The following MAGI3 variants were observed in gnomAD, a reference collection of about 807,000 sequenced individuals.
The protein encoded by MAGI3 is membrane associated guanylate kinase, WW and PDZ domain containing 3, also known as membrane-associated guanylate kinase, WW and PDZ domain-containing protein 3.
MAGI3 carries 43 observed loss-of-function variants against 121.8 expected under a neutral mutation model. The observed-to-expected ratio is 0.35, with a 90% confidence interval of 0.28 to 0.46. The LOEUF is 0.46. Ranked by LOEUF, MAGI3 falls within the 20% of genes least tolerant of loss-of-function variation. The pLI, the probability that MAGI3 is intolerant of heterozygous loss-of-function variation, is 1.00. For synonymous variants in MAGI3, 553 were observed against 639.3 expected (o/e 0.86, Z 2.04); for missense variants, 1,547 against 1,797.3 (o/e 0.86, Z 2.52).
intron 1 of MAGI3, among the ~76,000 whole-genome samples, chr1:113,524,019 G>A (rs1658332676): frequency 6.6e-6 from 1 of 152,168 alleles, no homozygotes; most frequent in Admixed American, 6.5e-5. Context: ...ACTAAAAGGG[G>A]CCAAGGTACA....
rs563391880 is a variant in MAGI3 at position 113,436,685 on chromosome 1, AT to A, written c.316+45345del. Among the ~76,000 whole-genome samples, 18 of 150,576 alleles carry A rather than the reference AT, an allele frequency of 1.2e-4. 1 individual carries two copies. Among genetic ancestry groups the A allele is most frequent in the East Asian group, 5.8e-4 (3 of 5,134 alleles). On this transcript the variant is annotated intron_variant, in intron 1 of 20. Transcript: ENST00000307546. Reference sequence around the variant, plus strand: ...GGTGCTCCTTTAATGAATAAACATCATTTTTTTTTAATACTGTCAAAGCACT... The same window carrying A: ...GGTGCTCCTTTAATGAATAAACATCATTTTTTTTAATACTGTCAAAGCACT...
chr1:113,400,549 T>C (rs1651347294), intron 1 of MAGI3, among the ~76,000 whole-genome samples: 1 of 152,136 alleles, frequency 6.6e-6, no homozygotes, highest in Non-Finnish European at 1.5e-5. Flanking sequence ...CTTTAGACCA[T>C]ATTTGGAAAA....
intron 9 of MAGI3, among the ~76,000 whole-genome samples, chr1:113,630,658 G>A (rs960019831): frequency 7.2e-5 from 11 of 152,162 alleles, no homozygotes; most frequent in Non-Finnish European, 1.3e-4. Context: ...AGGGGCTCTT[G>A]AGCAGGCAGG....
intron 2 of MAGI3, among the ~76,000 whole-genome samples, chr1:113,566,924 GA>G (rs774288146): frequency 6.8e-6 from 1 of 147,598 alleles, no homozygotes; most frequent in Non-Finnish European, 1.5e-5. Flanking sequence ...CACAAAGAAG[GA>G]AATAATAAAG....
At chr1:113,523,810 G>GT (rs1268647040) in intron 1 of MAGI3, among the ~76,000 whole-genome samples, 1 of 152,202 alleles carries the variant, frequency 6.6e-6, no homozygotes, top group Non-Finnish European at 1.5e-5. Flanking sequence ...ATTTGCATAA[G>GT]TAACGAGGAG....
At position 113,422,678 on chromosome 1, in the gene MAGI3, G is replaced by A. The variant is rs907643527; in HGVS notation, c.316+31329G>A. 4.6e-5 allele frequency among the ~76,000 whole-genome samples: 7 copies of A among 152,252 alleles called. No homozygotes were observed. The highest frequency in any genetic ancestry group is 1.0e-4 in the Non-Finnish European group (7 of 68,034). On this transcript the variant is annotated intron_variant, in intron 1 of 20. Coordinates refer to ENST00000307546, the MANE Select transcript of MAGI3 (RefSeq NM_001142782.2). This position sits in a 1 kb window ranked among gnomAD's most constrained non-coding sequence, Gnocchi z 4.3. ...AGCAGCTTCTGCTGCGGGCACTAGTGTCTGGATAAGGGAACGTGGTGGCGC... is the reference window on the plus strand; with the variant it reads ...AGCAGCTTCTGCTGCGGGCACTAGTATCTGGATAAGGGAACGTGGTGGCGC...
At chr1:113,394,812 A>G (rs1437979142) in intron 1 of MAGI3, among the ~76,000 whole-genome samples, 1 of 152,192 alleles carries the variant, frequency 6.6e-6, no homozygotes, top group Non-Finnish European at 1.5e-5. Flanking sequence ...TAGTGTATCC[A>G]GGGATGGAAA....
chr1:113,645,780 T>C (rs369244575), intron 11 of MAGI3, among the ~76,000 whole-genome samples: 32 of 152,324 alleles, frequency 2.1e-4, no homozygotes, highest in African/African-American at 7.7e-4. Context: ...AACGAGCTGG[T>C]CTCAAAACCA....
intron 19 of MAGI3, among the ~76,000 whole-genome samples, chr1:113,673,859 AT>A (rs1006521369): frequency 1.3e-5 from 2 of 152,110 alleles, no homozygotes; most frequent in Non-Finnish European, 1.5e-5. Flanking sequence ...TAGGCCCAGG[AT>A]TTTTTTTCCC....
chr1:113,523,564 C>A (rs1394014711), intron 1 of MAGI3, among the ~76,000 whole-genome samples: 1 of 152,168 alleles, frequency 6.6e-6, no homozygotes, highest in Non-Finnish European at 1.5e-5. Flanking sequence ...AGACTGGCAG[C>A]ATTTTGCCCC....
intron 1 of MAGI3, among the ~76,000 whole-genome samples, chr1:113,438,863 C>G (rs1325944804): frequency 6.6e-6 from 1 of 152,228 alleles, no homozygotes; most frequent in Non-Finnish European, 1.5e-5. Context: ...TTTCCTTCTT[C>G]ACAATCTCAC....
intron 1 of MAGI3, among the ~76,000 whole-genome samples, chr1:113,426,437 A>C (rs1356968602): frequency 6.6e-6 from 1 of 152,200 alleles, no homozygotes; most frequent in Non-Finnish European, 1.5e-5. Flanking sequence ...GTTCAAAATA[A>C]CCTTGCTGAT....
chr1:113,624,337 G>T (rs1570957129), intron 9 of MAGI3, among the ~76,000 whole-genome samples: 1 of 152,118 alleles, frequency 6.6e-6, no homozygotes, highest in East Asian at 1.9e-4. Context: ...GTGTATGAGG[G>T]TTCCCTTTTC....
At chr1:113,429,038 A>C (rs1653163635) in intron 1 of MAGI3, among the ~76,000 whole-genome samples, 1 of 152,166 alleles carries the variant, frequency 6.6e-6, no homozygotes, top group Non-Finnish European at 1.5e-5. Flanking sequence ...TTCTATTGTC[A>C]GTCTTTACTG....
chr1:113,653,215 G>T (rs1053539627), intron 14 of MAGI3, among the ~76,000 whole-genome samples: 3 of 152,174 alleles, frequency 2.0e-5, no homozygotes, highest in South Asian at 2.1e-4. Flanking sequence ...GGAAGTTCAT[G>T]TGTCATTCCT....
intron 1 of MAGI3, among the ~76,000 whole-genome samples, chr1:113,528,702 G>A (rs988673744): frequency 2.0e-5 from 3 of 152,022 alleles, no homozygotes; most frequent in African/African-American, 7.2e-5. Flanking sequence ...TTGTTAGCTG[G>A]CATTCTTAGG....
intron 2 of MAGI3, among the ~76,000 whole-genome samples, chr1:113,576,042 C>A (rs180726715): frequency 6.6e-6 from 1 of 152,196 alleles, no homozygotes; most frequent in Non-Finnish European, 1.5e-5. Flanking sequence ...CCCCTCCCCC[C>A]ACCAAGCTCG....
chr1:113,578,941 A>AT (rs1647832296), intron 2 of MAGI3, among the ~76,000 whole-genome samples: 1 of 117,602 alleles, frequency 8.5e-6, no homozygotes, highest in Non-Finnish European at 1.8e-5. Context: ...ATTACCATTA[A>AT]TTTGTTATCA....
In MAGI3 at chr1:113,549,972, C is replaced by G. The variant is rs191535030; in HGVS notation, c.433+341C>G. On this transcript the variant is annotated intron_variant, in intron 2 of 20. Transcript: ENST00000307546. ...CTCTACTAAAAATAAAAAAATTAGC[C>G]GAGTGTGGTGGCGGGCGCCTATAAT... 5.2e-3 allele frequency among the ~76,000 whole-genome samples: 787 copies of G among 150,946 alleles called. 3 individuals are homozygous for G. The highest frequency in any genetic ancestry group is 0.018 in the African/African-American group (757 of 41,116).
Sources: allele counts gnomAD v4.1 joint callset (sites outside exome capture counted in the v4.1 genomes callset), GRCh38; gene constraint gnomAD v4.1.1; non-coding constraint Gnocchi (gnomAD v3.1); transcripts MANE v1.5; gene names NCBI Gene and HGNC (gene_info 2026-07-23, HGNC 2026-07-21).